BICD2: variants seen among roughly 807,000 people sequenced by gnomAD.
BICD2 encodes protein bicaudal D homolog 2.
In BICD2, 25 loss-of-function variants were observed where a neutral mutation model predicts 72.9. The observed-to-expected ratio is 0.34, with a 90% CI of 0.25 to 0.48. The LOEUF is 0.48. Ranked by LOEUF, BICD2 falls within the 20% of genes least tolerant of loss-of-function variation. The pLI is 0.99. For synonymous variants in BICD2, 501 were observed against 516.1 expected (o/e 0.97, Z 0.40); for missense variants, 894 against 1,175.2 (o/e 0.76, Z 3.50).
In BICD2 at chr9:92,720,702, C is replaced by T; in HGVS notation, c.660G>A (p.Glu220=). ...HEIKRLEEET[E]YLNSQLEDAI... ...CATCCTCCAGCTGGCTGTTGAGGTA[C>T]TCGGTCTCCTCCTCCAGACGCTTGA... Residue 220 remains glutamate, a synonymous_variant, in exon 4 of 7, where the codon GAG becomes GAA. Transcript: ENST00000356884. This position sits in a 1 kb window ranked among gnomAD's most constrained non-coding sequence, Gnocchi z 5.4. The T allele has an allele frequency of 6.2e-7, 1 of 1,614,190 alleles. No homozygotes were observed. Among genetic ancestry groups the T allele is most frequent in the Non-Finnish European group, 8.5e-7 (1 of 1,180,038 alleles).
intron 1 of BICD2, among the ~76,000 whole-genome samples, chr9:92,737,784 C>A (rs1448703547): frequency 6.6e-6 from 1 of 152,220 alleles, no homozygotes; most frequent in Non-Finnish European, 1.5e-5. Context: ...GCTGGAAGGG[C>A]TGAAACCCTG....
intron 1 of BICD2, among the ~76,000 whole-genome samples, chr9:92,745,951 A>T (rs914475886): frequency 2.6e-5 from 4 of 152,132 alleles, no homozygotes; most frequent in Admixed American, 2.0e-4. Context: ...GTGCATGAAC[A>T]TCTGGGACTC....
chr9:92,764,526 G>T lies in BICD2; in HGVS notation c.219C>A (p.Ser73Arg). The change falls in exon 1 of 7, where the codon AGC becomes AGA. Residue 73 changes from serine (S) to arginine (R), a missense_variant. Ser to Arg is a moderately radical substitution (Grantham distance 110). Around this residue, in one of 5 missense-constraint regions of BICD2, gnomAD observed 192 missense variants for 243.6 expected, o/e 0.79. Coordinates refer to ENST00000356884, the MANE Select transcript of BICD2 (RefSeq NM_001003800.2). The surrounding 1 kb of genome is among the most constrained non-coding windows in gnomAD (Gnocchi z 5.5). ...ELEVDYEAIRSEMEQLKEAFG... is the reference protein window; with the variant it reads ...ELEVDYEAIRREMEQLKEAFG... ...TCACCTCCTTGAGCTGCTCCATCTC[G>T]CTGCGGATAGCCTCATAGTCCACCT... 6.5e-7 allele frequency: 1 copy of T among 1,536,450 alleles called. No individual in the cohort carries two copies.
chr9:92,744,468 A>G (rs1426850831), intron 1 of BICD2, among the ~76,000 whole-genome samples: 1 of 152,182 alleles, frequency 6.6e-6, no homozygotes, highest in African/African-American at 2.4e-5. Flanking sequence ...TTATCAAACT[A>G]TACAATTATG....
intron 1 of BICD2, among the ~76,000 whole-genome samples, chr9:92,763,878 G>A (rs996200417): frequency 1.1e-4 from 16 of 152,210 alleles, no homozygotes; most frequent in Non-Finnish European, 2.2e-4. Context: ...GCTGGGCCTG[G>A]GGCAAGGGTA....
chr9:92,763,717 G>A (rs964935182), intron 1 of BICD2, among the ~76,000 whole-genome samples: 7 of 152,216 alleles, frequency 4.6e-5, no homozygotes, highest in African/African-American at 1.7e-4. Context: ...TCCCCCCAGT[G>A]GGAATGACAC....
At position 92,713,361 on chromosome 9, in the gene BICD2, G is replaced by C; in HGVS notation, c.*1793C>G. 4.4e-6 allele frequency: 6 copies of C among 1,377,490 alleles called. No homozygotes were observed. Among genetic ancestry groups the C allele is most frequent in the Non-Finnish European group, 5.0e-6 (5 of 992,840 alleles). The allele number at this position is 1,377,490 out of a possible 1,614,324, so 85.3% of individuals were successfully genotyped here. A position where few individuals can be genotyped will look rare whatever the true frequency, so the allele number is the denominator to read the frequency against. Reference sequence around the variant, plus strand: ...CAAAAAGTTTCTAAGTGGGCTTTTAGGTTGCCCTTCCTTCCTCCTTGTGGG... The same window carrying C: ...CAAAAAGTTTCTAAGTGGGCTTTTACGTTGCCCTTCCTTCCTCCTTGTGGG... On this transcript the variant is annotated 3_prime_UTR_variant, in exon 7 of 7. Coordinates refer to ENST00000356884, the MANE Select transcript of BICD2 (RefSeq NM_001003800.2).
rs1853214717 is a variant in BICD2 at position 92,712,543 on chromosome 9, TAAC to T, written c.*2608_*2610del. On this transcript the variant is annotated 3_prime_UTR_variant, in exon 7 of 7. Coordinates refer to ENST00000356884, the MANE Select transcript of BICD2 (RefSeq NM_001003800.2). ...CCACAATTTGGCACAACAACCAGAG[TAAC>T]AAAACAATTCCAATTTGGAATTTTA... is the stretch of plus-strand genomic sequence containing the variant. The T allele has an allele frequency of 1.3e-5, 2 of 152,508 alleles. No homozygotes were observed. The highest frequency in any genetic ancestry group is 1.3e-4 in the Admixed American group (2 of 15,278). 9.4% of individuals were successfully genotyped at this position (152,508 alleles called of 1,614,324 possible).
rs573608767 is a variant in BICD2 at position 92,721,228 on chromosome 9, A to C, written c.607-473T>G. On this transcript the variant is annotated intron_variant, in intron 3 of 6. Coordinates refer to ENST00000356884, the MANE Select transcript of BICD2 (RefSeq NM_001003800.2). ...ACATTAACAGTTAACTAAATATCTT[A>C]AGATACATAAAAATATATTTCAATG... is the stretch of plus-strand genomic sequence containing the variant. Among the ~76,000 whole-genome samples, 5 of 152,390 alleles carry C rather than the reference A, an allele frequency of 3.3e-5. No homozygotes were observed. The East Asian group carries it at 9.6e-4, about 29-fold the overall frequency.
chr9:92,748,900 T>C (rs985425798), intron 1 of BICD2, among the ~76,000 whole-genome samples: 8 of 152,300 alleles, frequency 5.3e-5, no homozygotes, highest in African/African-American at 1.4e-4. Flanking sequence ...AGATGATTCA[T>C]CTGAGTGGGA....
chr9:92,741,545 T>C (rs1359210757), intron 1 of BICD2, among the ~76,000 whole-genome samples: 2 of 152,244 alleles, frequency 1.3e-5, no homozygotes, highest in Admixed American at 1.3e-4. Flanking sequence ...TGAACTCTTC[T>C]CAACTGAAGC....
At position 92,715,403 on chromosome 9, in the gene BICD2, G is replaced by A. The variant is rs370848787; in HGVS notation, c.2319C>T (p.Asp773=). The part of the protein sequence containing the change: ...EMQRQLAAAE[D]EKKTLNSLLR... ...GCAGCGAGTTCAGCGTCTTCTTCTC[G>A]TCCTCAGCAGCCGCCAGCTGCCGCT... The change falls in exon 7 of 7, where the codon GAC becomes GAT. Residue 773 remains aspartate, a synonymous_variant. Coordinates refer to ENST00000356884, the MANE Select transcript of BICD2 (RefSeq NM_001003800.2). 4.5e-5 allele frequency: 73 copies of A among 1,606,542 alleles called. No individual in the cohort carries two copies. The highest frequency in any genetic ancestry group is 5.0e-5 in the Non-Finnish European group (59 of 1,174,492).
chr9:92,754,099 C>T (rs544563580), intron 1 of BICD2, among the ~76,000 whole-genome samples: 2 of 150,776 alleles, frequency 1.3e-5, no homozygotes, highest in African/African-American at 2.4e-5. Context: ...AAGCCAAGAT[C>T]GCGCCACTGC....
At chr9:92,723,571 G>A (rs1853507093) in intron 2 of BICD2, among the ~76,000 whole-genome samples, 1 of 152,238 alleles carries the variant, frequency 6.6e-6, no homozygotes, top group South Asian at 2.1e-4. Context: ...GGGGGATGGG[G>A]AGTGACTGAA....
chr9:92,760,597 A>G (rs1125064), intron 1 of BICD2, among the ~76,000 whole-genome samples: 41,866 of 152,196 alleles, frequency 0.28, 6,874 homozygotes, highest in East Asian at 0.76. Context: ...AGAGAGGCCC[A>G]GCGGGGAGAG....
At position 92,719,477 on chromosome 9, in the gene BICD2, G is replaced by A. The variant is rs192669216; in HGVS notation, c.1168C>T (p.Leu390Phe). ...LSEQQEKVTR[L>F]TENLSALRRL... Reference sequence around the variant, plus strand: ...CGCAGGGCACTCAGATTCTCTGTGAGGCGGGTCACCTTCTCCTGCTGTTCT... The same window carrying A: ...CGCAGGGCACTCAGATTCTCTGTGAAGCGGGTCACCTTCTCCTGCTGTTCT... The change falls in exon 5 of 7, where the codon CTC (leucine) becomes TTC (phenylalanine). Residue 390 changes from leucine (L) to phenylalanine (F), a missense_variant. By Grantham distance (22) the Leu-to-Phe change is conservative. Coordinates refer to ENST00000356884, the MANE Select transcript of BICD2 (RefSeq NM_001003800.2). 2 of 1,613,986 alleles carry A rather than the reference G, an allele frequency of 1.2e-6. No homozygotes were observed. Among genetic ancestry groups the A allele is most frequent in the Non-Finnish European group, 1.7e-6 (2 of 1,180,040 alleles).
In BICD2 at chr9:92,718,878, C is replaced by T. The variant is rs1853388241; in HGVS notation, c.1767G>A (p.Gly589=). The T allele has an allele frequency of 2.5e-6, 4 of 1,602,274 alleles. No homozygotes were observed. The highest frequency in any genetic ancestry group is 3.4e-6 in the Non-Finnish European group (4 of 1,175,126). ...CTCGGCCCGCCTCAGGAGCCAGCAG[C>T]CCCTTGGGTAGGAGGATGGGTGAGC... is the stretch of plus-strand genomic sequence containing the variant. ...GRRSPILLPK[G]LLAPEAGRAD... The change falls in exon 5 of 7, where the codon GGG becomes GGA. Residue 589 remains glycine, a synonymous_variant. Coordinates refer to ENST00000356884, the MANE Select transcript of BICD2 (RefSeq NM_001003800.2).
intron 1 of BICD2, among the ~76,000 whole-genome samples, chr9:92,735,058 AGCTCCCG>A (rs1416201441): frequency 1.3e-5 from 2 of 152,226 alleles, no homozygotes; most frequent in African/African-American, 4.8e-5. Context: ...GCTTGACACA[AGCTCCCG>A]GCTCACTCTC....
intron 1 of BICD2, among the ~76,000 whole-genome samples, chr9:92,738,967 G>C (rs914179633): frequency 2.0e-5 from 3 of 152,092 alleles, no homozygotes; most frequent in African/African-American, 7.2e-5. Context: ...TGTCCCTGAA[G>C]GGCCATGATG....
Sources: gnomAD v4.1 joint callset for allele counts (sites outside exome capture counted in the v4.1 genomes callset) on GRCh38, gnomAD v4.1.1 for gene constraint, gnomAD v4.1.1 regional missense constraint, Gnocchi (gnomAD v3.1) non-coding constraint, MANE v1.5 for transcripts, NCBI Gene and HGNC (gene_info 2026-07-23, HGNC 2026-07-21) for gene names.